Variants in ANO3 observed in about 807,000 individuals in gnomAD.
ANO3 encodes the protein anoctamin-3.
ANO3 carries 99 observed loss-of-function variants against 144.8 expected under a neutral mutation model. That is an observed-to-expected ratio of 0.68 (90% CI 0.58 to 0.81). The LOEUF (loss-of-function observed/expected upper bound fraction) is 0.81. Ranked by LOEUF, ANO3 falls within the 30% of genes least tolerant of loss-of-function variation. The probability of loss-of-function intolerance (pLI) is 0.00; values close to 1 mark genes in which losing one functional copy is unlikely to be tolerated. For synonymous variants in ANO3, 414 were observed against 392.6 expected, an observed-to-expected ratio of 1.05 and a Z score of -0.64; for missense variants, 905 against 1,202.2, an observed-to-expected ratio of 0.75 and a Z score of 3.66.
At chr11:26,198,513 A>G (rs2133909783) in intron 1 of ANO3, among the ~76,000 whole-genome samples, 1 of 152,338 alleles carries the variant, frequency 6.6e-6, no homozygotes, top group Non-Finnish European at 1.5e-5. Context: ...GAAGATAGAA[A>G]CGGAAAGAAA....
At chr11:26,300,832 T>G (rs2133862465) in intron 1 of ANO3, among the ~76,000 whole-genome samples, 1 of 151,604 alleles carries the variant, frequency 6.6e-6, no homozygotes, top group African/African-American at 2.4e-5. Context: ...CTTCTTTACT[T>G]TATTTATTTC....
chr11:26,620,101 TTTC>T (rs1852372774), intron 17 of ANO3, among the ~76,000 whole-genome samples: 2 of 152,312 alleles, frequency 1.3e-5, no homozygotes, highest in Non-Finnish European at 2.9e-5. Flanking sequence ...GCCTACCATT[TTTC>T]TTCTTTATTT....
At chr11:26,644,857 T>A (rs1405964032) in intron 23 of ANO3, among the ~76,000 whole-genome samples, 1 of 120,496 alleles carries the variant, frequency 8.3e-6, no homozygotes, top group Admixed American at 8.1e-5. Context: ...ACATACCATA[T>A]ATACATACTA....
chr11:26,347,172 T>C (rs1440852968), intron 1 of ANO3, among the ~76,000 whole-genome samples: 3 of 152,222 alleles, frequency 2.0e-5, no homozygotes, highest in African/African-American at 7.2e-5. Flanking sequence ...TATCTAAAAC[T>C]GGACTCTTAC....
rs138652946 is a variant in ANO3, at chr11:26,641,661, G to T, written c.2142-235G>T. 2.0e-5 allele frequency among the ~76,000 whole-genome samples: 3 copies of T among 151,998 alleles called. No homozygotes were observed. In the East Asian group the frequency reaches 5.8e-4, roughly 29 times the overall value. ...GACCTAGGAGAGTTCTGGAAGGCTG[G>T]GGCCTACTCTCCTATGCTAAAGTTT... On this transcript the variant is annotated intron_variant, in intron 21 of 26. Coordinates refer to ENST00000256737, the MANE Select transcript of ANO3 (RefSeq NM_031418.4).
intron 14 of ANO3, among the ~76,000 whole-genome samples, chr11:26,586,816 T>C (rs1851300521): frequency 1.3e-5 from 2 of 152,058 alleles, no homozygotes; most frequent in South Asian, 4.2e-4. Context: ...TGCTCCTGTA[T>C]TCTTTTAATC....
intron 14 of ANO3, chr11:26,560,002 C>T: frequency 2.5e-6 from 1 of 392,320 alleles, no homozygotes; most frequent in African/African-American, 2.1e-5. Context: ...CCTAGACTTT[C>T]CTACATCAAG....
In ANO3 at chr11:26,660,358, C is replaced by T. The variant is rs756011945; in HGVS notation, c.2860C>T (p.Gln954Ter). ...DRIRREKYLVQEMMYEAELEH... is the reference protein window; with the variant it reads ...DRIRREKYLV The stretch of plus-strand genomic sequence containing the variant: ...AATACGACGAGAGAAGTACTTAGTT[C>T]AAGAAATGATGTATGAGGCTGAACT... The change falls in exon 27 of 27, where the codon CAA (glutamine) becomes TAA (stop). Residue 954 changes from glutamine (Q) to a stop codon, truncating the protein, a stop_gained. Transcript: ENST00000256737. LOFTEE classifies it high-confidence loss of function. 6.2e-7 allele frequency: 1 copy of T among 1,613,168 alleles called. No individual in the cohort carries two copies. The highest frequency in any genetic ancestry group is 1.1e-5 in the South Asian group (1 of 90,908).
intron 6 of ANO3, among the ~76,000 whole-genome samples, chr11:26,520,254 A>AT (rs1185780982): frequency 1.3e-5 from 2 of 152,032 alleles, no homozygotes; most frequent in Non-Finnish European, 2.9e-5. Flanking sequence ...CCCAAGGGAG[A>AT]TTTTGAAGAG....
intron 1 of ANO3, among the ~76,000 whole-genome samples, chr11:26,333,534 A>G (rs545830736): frequency 5.9e-5 from 9 of 152,180 alleles, no homozygotes; most frequent in African/African-American, 1.4e-4. Context: ...CGCCCGCCTT[A>G]GCCTCCCAAA....
chr11:26,629,420 A>AT (rs1554981822), intron 18 of ANO3, among the ~76,000 whole-genome samples: 1 of 151,648 alleles, frequency 6.6e-6, no homozygotes, highest in Non-Finnish European at 1.5e-5. Flanking sequence ...CTATCTATCT[A>AT]CTTTCTTTAC....
intron 14 of ANO3, chr11:26,563,038 A>G: frequency 6.5e-7 from 1 of 1,543,700 alleles, no homozygotes; most frequent in Non-Finnish European, 8.7e-7. Context: ...ATTACCTTCT[A>G]GGCAATGCAG....
intron 6 of ANO3, among the ~76,000 whole-genome samples, chr11:26,518,642 ATATT>A (rs1861949470): frequency 6.6e-6 from 1 of 152,062 alleles, no homozygotes; most frequent in Admixed American, 6.6e-5. Flanking sequence ...GAAAAATAAA[ATATT>A]TAATATGTTA....
At chr11:26,565,858 T>C in intron 14 of ANO3, 7 of 1,600,944 alleles carry the variant, frequency 4.4e-6, no homozygotes, top group Non-Finnish European at 5.1e-6. Flanking sequence ...AAGGCCAACA[T>C]TGTAGGCTTC....
In ANO3 at chr11:26,525,697, C is replaced by G; in HGVS notation, c.737+18C>G. ...ATGGGCAGGTTGGTGGGTGATGAAT[C>G]ATTTCTTTATAACAAATTTGTCGTT... On this transcript the variant is annotated intron_variant, in intron 7 of 26. Transcript: ENST00000256737. 6.3e-7 allele frequency: 1 copy of G among 1,594,016 alleles called. No homozygotes were observed.
chr11:26,415,751 T>C (rs2133991413), intron 1 of ANO3, among the ~76,000 whole-genome samples: 1 of 152,244 alleles, frequency 6.6e-6, no homozygotes, highest in East Asian at 1.9e-4. Context: ...AGGCACATGT[T>C]CTCTTTTCCT....
intron 26 of ANO3, among the ~76,000 whole-genome samples, chr11:26,659,668 T>A (rs6484239): frequency 0.58 from 88,737 of 151,892 alleles, 27,525 homozygotes; most frequent in South Asian, 0.76. Flanking sequence ...CTGCACTCCA[T>A]CCTGGGCAAA....
chr11:26,273,860 G>A (rs1382046268), intron 1 of ANO3, among the ~76,000 whole-genome samples: 2 of 152,136 alleles, frequency 1.3e-5, no homozygotes, highest in Admixed American at 6.5e-5. Context: ...TTGACATCTA[G>A]AAGGATGTAG....
intron 1 of ANO3, among the ~76,000 whole-genome samples, chr11:26,426,022 C>T (rs986009100): frequency 2.6e-5 from 4 of 152,074 alleles, no homozygotes; most frequent in African/African-American, 9.7e-5. Flanking sequence ...ATTACAAGTT[C>T]CAAAGTCTGT....
Sources: gnomAD v4.1 joint callset for allele counts (sites outside exome capture counted in the v4.1 genomes callset) on GRCh38, gnomAD v4.1.1 for gene constraint, MANE v1.5 for transcripts, NCBI Gene and HGNC (gene_info 2026-07-23, HGNC 2026-07-21) for gene names.